Variants in ARHGAP24 observed in about 807,000 individuals in gnomAD.
The protein encoded by ARHGAP24 is rho GTPase-activating protein 24.
A neutral mutation model predicts 76.4 loss-of-function variants in ARHGAP24; 50 were observed. That is an observed-to-expected ratio of 0.65 (90% CI 0.52 to 0.83). ARHGAP24 has a LOEUF of 0.83. ARHGAP24 is among the 40% of genes least tolerant of loss of function. The probability of loss-of-function intolerance (pLI) is 0.00; values close to 1 mark genes in which losing one functional copy is unlikely to be tolerated. For synonymous variants in ARHGAP24, 345 were observed against 323.3 expected, an observed-to-expected ratio of 1.07 and a Z score of -0.72; for missense variants, 930 against 914.2, an observed-to-expected ratio of 1.02 and a Z score of -0.22.
intron 5 of ARHGAP24, among the ~76,000 whole-genome samples, chr4:85,952,031 G>A (rs346494): frequency 0.61 from 92,356 of 151,756 alleles, 28,552 homozygotes; most frequent in East Asian, 0.81. Context: ...TGATTATAAC[G>A]TTTTATGTAC....
intron 2 of ARHGAP24, among the ~76,000 whole-genome samples, chr4:85,698,404 C>A (rs1277691048): frequency 6.6e-6 from 1 of 152,126 alleles, no homozygotes; most frequent in East Asian, 1.9e-4. Context: ...TCAGAGAGAT[C>A]ATTAACATGA....
chr4:85,491,588 T>G (rs1320432701), intron 1 of ARHGAP24, among the ~76,000 whole-genome samples: 1 of 152,162 alleles, frequency 6.6e-6, no homozygotes, highest in Non-Finnish European at 1.5e-5. Flanking sequence ...GCAATTATGC[T>G]GAGTAGGAGT....
At chr4:85,676,824 T>C (rs972042313) in intron 2 of ARHGAP24, among the ~76,000 whole-genome samples, 8 of 152,212 alleles carry the variant, frequency 5.3e-5, no homozygotes, top group African/African-American at 1.9e-4. Context: ...TTTAATTCTG[T>C]CAAAAGAAGT....
At chr4:85,587,190 T>G (rs1727895950) in intron 2 of ARHGAP24, among the ~76,000 whole-genome samples, 1 of 152,232 alleles carries the variant, frequency 6.6e-6, no homozygotes, top group Non-Finnish European at 1.5e-5. Flanking sequence ...TTAGTTTGTC[T>G]TTCTAATCAC....
chr4:85,812,863 C>A (rs1729071771), intron 3 of ARHGAP24, among the ~76,000 whole-genome samples: 1 of 152,186 alleles, frequency 6.6e-6, no homozygotes, highest in Non-Finnish European at 1.5e-5. Flanking sequence ...CGTGAAATAA[C>A]CACCTACTCT....
At chr4:85,759,529 AG>A (rs971650516) in intron 3 of ARHGAP24, among the ~76,000 whole-genome samples, 10 of 152,176 alleles carry the variant, frequency 6.6e-5, no homozygotes, top group Non-Finnish European at 1.2e-4. Flanking sequence ...TGCAGAGTCT[AG>A]GGGGGTGGGT....
At chr4:85,931,399 C>T (rs922042196) in intron 4 of ARHGAP24, among the ~76,000 whole-genome samples, 4 of 152,120 alleles carry the variant, frequency 2.6e-5, no homozygotes, top group African/African-American at 9.7e-5. Context: ...TCTGACCCCT[C>T]AAAACAGGGC....
intron 2 of ARHGAP24, among the ~76,000 whole-genome samples, chr4:85,669,623 T>C (rs1722750443): frequency 7.2e-6 from 1 of 138,262 alleles, no homozygotes. Context: ...CAGGGTAGAC[T>C]GCATTGACCC....
intron 4 of ARHGAP24, among the ~76,000 whole-genome samples, chr4:85,935,109 G>A (rs543351168): frequency 1.2e-3 from 179 of 152,266 alleles, no homozygotes; most frequent in Non-Finnish European, 1.8e-3. Flanking sequence ...AAAATTTGTT[G>A]TATGTTATAT....
chr4:85,601,497 C>T lies in ARHGAP24; in HGVS notation c.180+30776C>T, dbSNP rs571525711. Among the ~76,000 whole-genome samples the T allele has an allele frequency of 5.3e-5, 8 of 152,164 alleles. No homozygotes were observed. The South Asian group carries it at 1.5e-3, about 28-fold the overall frequency. Reference sequence around the variant, plus strand: ...TTATTTGCTATTGGTGTGTCCTGTGCGTTGTAGGGTGTCTGGCAGCATCCC... The same window carrying T: ...TTATTTGCTATTGGTGTGTCCTGTGTGTTGTAGGGTGTCTGGCAGCATCCC... On this transcript the variant is annotated intron_variant, in intron 2 of 9. Coordinates refer to ENST00000395184, the MANE Select transcript of ARHGAP24 (RefSeq NM_001025616.3).
At chr4:85,764,803 T>C (rs1295889727) in intron 3 of ARHGAP24, among the ~76,000 whole-genome samples, 1 of 152,164 alleles carries the variant, frequency 6.6e-6, no homozygotes, top group African/African-American at 2.4e-5. Context: ...GATCTCCTCT[T>C]CGTTACTGTA....
At chr4:85,970,650 G>A (rs911210464) in intron 5 of ARHGAP24, among the ~76,000 whole-genome samples, 2 of 152,054 alleles carry the variant, frequency 1.3e-5, no homozygotes, top group Non-Finnish European at 2.9e-5. Flanking sequence ...CCATGCCACC[G>A]CTGGGATAAG....
chr4:85,691,646 A>T (rs1723665967), intron 2 of ARHGAP24, among the ~76,000 whole-genome samples: 1 of 152,060 alleles, frequency 6.6e-6, no homozygotes, highest in Non-Finnish European at 1.5e-5. Context: ...TTCATCTGAT[A>T]TAAGAATAGT....
intron 2 of ARHGAP24, among the ~76,000 whole-genome samples, chr4:85,598,727 G>A (rs1218481176): frequency 6.7e-6 from 1 of 149,776 alleles, no homozygotes; most frequent in Admixed American, 6.7e-5. Context: ...AGGAATTTTT[G>A]AAATCACTGT....
At chr4:85,937,107 C>G (rs1209698799) in intron 4 of ARHGAP24, among the ~76,000 whole-genome samples, 1 of 152,162 alleles carries the variant, frequency 6.6e-6, no homozygotes, top group Non-Finnish European at 1.5e-5. Flanking sequence ...TGAAATATTA[C>G]AAAGTCCACC....
chr4:85,553,252 GAGTGAAAGAACAA>G (rs1338412663), intron 1 of ARHGAP24, among the ~76,000 whole-genome samples: 3 of 152,162 alleles, frequency 2.0e-5, no homozygotes, highest in African/African-American at 7.2e-5. Flanking sequence ...TTACTGTGAA[GAGTGAAAGAACAA>G]AGCTTACACA....
intron 3 of ARHGAP24, among the ~76,000 whole-genome samples, chr4:85,890,311 A>G (rs1733814812): frequency 6.6e-6 from 1 of 152,038 alleles, no homozygotes; most frequent in African/African-American, 2.4e-5. Flanking sequence ...TCTTCCTTTT[A>G]TCTTGGTCAT....
intron 2 of ARHGAP24, among the ~76,000 whole-genome samples, chr4:85,591,057 TTTTTG>T: frequency 7.0e-6 from 1 of 143,594 alleles, no homozygotes; most frequent in Admixed American, 7.0e-5. Flanking sequence ...TTTTTTTTTT[TTTTTG>T]AGATGGAGTT....
intron 3 of ARHGAP24, among the ~76,000 whole-genome samples, chr4:85,912,038 T>TA (rs1232736138): frequency 6.6e-6 from 1 of 152,164 alleles, no homozygotes; most frequent in African/African-American, 2.4e-5. Context: ...CCCCTAATTC[T>TA]AGAAACAGAT....
Sources: allele counts gnomAD v4.1 joint callset (sites outside exome capture counted in the v4.1 genomes callset), GRCh38; gene constraint gnomAD v4.1.1; transcripts MANE v1.5; gene names NCBI Gene and HGNC (gene_info 2026-07-23, HGNC 2026-07-21).